GALK2: variants seen among roughly 807,000 people sequenced by gnomAD.
GALK2 encodes N-acetylgalactosamine kinase.
GALK2 carries 36 observed loss-of-function variants against 52.4 expected under a neutral mutation model. The observed-to-expected ratio is 0.69, with a 90% CI of 0.53 to 0.91. GALK2 has a LOEUF of 0.91. Among genes scored for constraint, GALK2 ranks in the 40% least tolerant of loss-of-function variants. GALK2 has a pLI of 0.00. For missense variants in GALK2, 579 were observed against 559.1 expected (o/e 1.04, Z -0.36); for synonymous variants, 176 against 199.1 (o/e 0.88, Z 0.98).
At chr15:49,293,858 G>T (rs1280237449) in intron 8 of GALK2, among the ~76,000 whole-genome samples, 1 of 151,996 alleles carries the variant, frequency 6.6e-6, no homozygotes, top group African/African-American at 2.4e-5. Context: ...CCAGCACTTT[G>T]GGAAGCCGAG....
chr15:49,198,457 C>G (rs1381128992), intron 1 of GALK2, among the ~76,000 whole-genome samples: 1 of 152,114 alleles, frequency 6.6e-6, no homozygotes, highest in Non-Finnish European at 1.5e-5. Flanking sequence ...ATGTTTCTAT[C>G]CTATTTAAAG....
At chr15:49,258,829 T>TGTGA (rs1335491479) in intron 5 of GALK2, among the ~76,000 whole-genome samples, 17 of 124,120 alleles carry the variant, frequency 1.4e-4, no homozygotes, top group African/African-American at 4.2e-4. Flanking sequence ...TGTGTGTGTG[T>TGTGA]GAGAGAGAGA....
intron 5 of GALK2, among the ~76,000 whole-genome samples, chr15:49,255,542 G>GT (rs1261333556): frequency 2.3e-5 from 3 of 130,958 alleles, no homozygotes; most frequent in African/African-American, 7.9e-5. Context: ...TGAGACTAAG[G>GT]TTTTTTGCCC....
intron 1 of GALK2, among the ~76,000 whole-genome samples, chr15:49,195,980 A>G (rs1370431060): frequency 6.6e-6 from 1 of 152,162 alleles, no homozygotes; most frequent in Non-Finnish European, 1.5e-5. Context: ...TATTTAAAAA[A>G]AAGTCTTCTG....
At chr15:49,177,563 T>C (rs2085559645) in intron 1 of GALK2, 1 of 172,756 alleles carries the variant, frequency 5.8e-6, no homozygotes, top group African/African-American at 2.4e-5. Context: ...CTGTCCTAAA[T>C]TGTTTTTTAG....
chr15:49,280,846 A>AT (rs1028523986), intron 5 of GALK2, among the ~76,000 whole-genome samples: 24 of 150,834 alleles, frequency 1.6e-4, no homozygotes, highest in African/African-American at 2.2e-4. Context: ...TTATTTTTTT[A>AT]TTTTTTTTTG....
At chr15:49,223,456 G>A (rs1327872448) in intron 3 of GALK2, among the ~76,000 whole-genome samples, 1 of 152,020 alleles carries the variant, frequency 6.6e-6, no homozygotes. Context: ...GTGATGTTTG[G>A]GGTACAGATG....
chr15:49,326,866 T>C (rs899455126), intron 9 of GALK2: 2 of 152,158 alleles, frequency 1.3e-5, no homozygotes, highest in African/African-American at 4.8e-5. Flanking sequence ...ATTACTGACA[T>C]GCAGTAATTC....
intron 3 of GALK2, among the ~76,000 whole-genome samples, chr15:49,228,682 T>TATATATATATATATATATACAC (rs1555409030): frequency 6.9e-5 from 1 of 14,554 alleles, no homozygotes; most frequent in African/African-American, 2.9e-4. Flanking sequence ...TATATATATA[T>TATATATATATATATATATACAC]ATATATTTTT....
chr15:49,162,589 T>C (rs993917758), intron 1 of GALK2, among the ~76,000 whole-genome samples: 1 of 152,202 alleles, frequency 6.6e-6, no homozygotes, highest in Non-Finnish European at 1.5e-5. Context: ...GTGACTTGCT[T>C]CTAACTAAAA....
intron 9 of GALK2, among the ~76,000 whole-genome samples, chr15:49,322,698 C>T (rs2036980522): frequency 6.6e-6 from 1 of 152,164 alleles, no homozygotes; most frequent in Non-Finnish European, 1.5e-5. Flanking sequence ...TTGCTCACAC[C>T]TGTAATCCCA....
intron 1 of GALK2, among the ~76,000 whole-genome samples, chr15:49,190,301 A>G (rs540456584): frequency 4.0e-5 from 6 of 151,850 alleles, no homozygotes; most frequent in Non-Finnish European, 7.4e-5. Context: ...TTTTTTTTCC[A>G]TAGAAATCGC....
chr15:49,170,211 G>C, upstream of GALK2: 1 of 1,516,296 alleles, frequency 6.6e-7, no homozygotes, highest in Non-Finnish European at 8.8e-7. Context: ...CGCAGGGCGG[G>C]AGCTGTTTAT....
At chr15:49,184,013 T>C (rs1595915122) in intron 1 of GALK2, among the ~76,000 whole-genome samples, 1 of 152,180 alleles carries the variant, frequency 6.6e-6, no homozygotes, top group East Asian at 1.9e-4. Flanking sequence ...ACGTCTCATG[T>C]TTCTTTGTTG....
chr15:49,207,868 C>T (rs949775451), intron 2 of GALK2, among the ~76,000 whole-genome samples: 12 of 152,154 alleles, frequency 7.9e-5, no homozygotes, highest in African/African-American at 2.9e-4. Flanking sequence ...ATGTCCACCA[C>T]CCAGGTTCAA....
At chr15:49,317,365 T>C (rs4775808) in intron 8 of GALK2, among the ~76,000 whole-genome samples, 29,875 of 139,850 alleles carry the variant, frequency 0.21, 3,857 homozygotes, top group Non-Finnish European at 0.31. Context: ...TGAGATACCA[T>C]CTCACACCAG....
chr15:49,328,058 A>G lies in GALK2; in HGVS notation c.1276A>G (p.Lys426Glu). 6.2e-7 allele frequency: 1 copy of G among 1,614,096 alleles called. No homozygotes were observed. The highest frequency in any genetic ancestry group is 8.5e-7 in the Non-Finnish European group (1 of 1,179,972). ...GCCCAGCTTTCTAGCAAATGTGCAC[A>G]AAGCTTATTACCAGAGGAGTGATGG... The part of the protein sequence containing the change: ...KLPSFLANVH[K>E]AYYQRSDGSL... Residue 426 changes from lysine to glutamate, a missense_variant, in exon 10 of 10, where the codon AAA (lysine) becomes GAA (glutamate). Lys to Glu is a moderately conservative substitution (Grantham distance 56, BLOSUM62 1). Coordinates refer to ENST00000560031, the MANE Select transcript of GALK2 (RefSeq NM_002044.4).
intron 8 of GALK2, among the ~76,000 whole-genome samples, chr15:49,315,185 G>A (rs910780990): frequency 3.9e-5 from 6 of 152,168 alleles, no homozygotes; most frequent in African/African-American, 1.4e-4. Context: ...CGTATATCCC[G>A]CTTTGAAGTT....
chr15:49,352,261 C>A (rs1224588003), intron 3 of GALK2, among the ~76,000 whole-genome samples: 1 of 152,184 alleles, frequency 6.6e-6, no homozygotes, highest in Non-Finnish European at 1.5e-5. Context: ...GTCACAAAGT[C>A]AAACTCTAAT....
Sources: gnomAD v4.1 joint callset for allele counts (sites outside exome capture counted in the v4.1 genomes callset) on GRCh38, gnomAD v4.1.1 for gene constraint, MANE v1.5 for transcripts, NCBI Gene and HGNC (gene_info 2026-07-23, HGNC 2026-07-21) for gene names.